Variants in NRG1 observed in about 807,000 individuals in gnomAD.
The protein encoded by NRG1 is pro-neuregulin-1, membrane-bound isoform.
A neutral mutation model predicts 63.8 loss-of-function variants in NRG1; 18 were observed. The observed-to-expected ratio is 0.28, with a 90% CI of 0.19 to 0.42. The LOEUF (loss-of-function observed/expected upper bound fraction) is 0.42, where lower values mean the gene tolerates loss of function less well. Ranked by LOEUF, NRG1 falls within the 10% of genes least tolerant of loss-of-function variation. The probability of loss-of-function intolerance (pLI) is 1.00; values close to 1 mark genes in which losing one functional copy is unlikely to be tolerated. For synonymous variants in NRG1, 302 were observed against 301.3 expected, an observed-to-expected ratio of 1.00 and a Z score of -0.02; for missense variants, 762 against 814.7, an observed-to-expected ratio of 0.94 and a Z score of 0.79.
At chr8:32,606,063 A>G (rs1057438219) in intron 3 of NRG1, among the ~76,000 whole-genome samples, 1 of 150,766 alleles carries the variant, frequency 6.6e-6, no homozygotes, top group Admixed American at 6.6e-5. Context: ...CACAATATGT[A>G]TATATGCACA....
At chr8:31,926,039 G>A (rs907447629) in intron 1 of NRG1, among the ~76,000 whole-genome samples, 2 of 152,226 alleles carry the variant, frequency 1.3e-5, no homozygotes, top group East Asian at 1.9e-4. Flanking sequence ...AAAATGTAAA[G>A]GTTCTGGATG....
intron 1 of NRG1, among the ~76,000 whole-genome samples, chr8:32,428,341 T>TA (rs1817671531): frequency 4.8e-5 from 2 of 41,406 alleles, no homozygotes; most frequent in African/African-American, 1.0e-4. Flanking sequence ...TTGAGTGAAT[T>TA]CTTTTTTTTT....
In NRG1 at chr8:31,640,411, T is replaced by C; in HGVS notation, c.37+980T>C. On this transcript the variant is annotated intron_variant, in intron 1 of 10. Transcript: ENST00000519301. This position sits in a 1 kb window ranked among gnomAD's most constrained non-coding sequence, Gnocchi z 6.3. ...CGCCGCCAACGGGACCGTGCCCTCT[T>C]GGCCCACCGCCCCGGTGCCCAGCGC... 4.0e-6 allele frequency: 6 copies of C among 1,485,332 alleles called. No homozygotes were observed. Among genetic ancestry groups the C allele is most frequent in the Non-Finnish European group, 5.4e-6 (6 of 1,117,058 alleles). The allele number at this position is 1,485,332 out of a possible 1,614,324, so 92.0% of individuals were successfully genotyped here.
At chr8:32,184,613 A>G (rs186568772) in intron 1 of NRG1, among the ~76,000 whole-genome samples, 1 of 152,198 alleles carries the variant, frequency 6.6e-6, no homozygotes, top group African/African-American at 2.4e-5. Flanking sequence ...AAAAAAAATA[A>G]GGAAAGCATC....
chr8:32,655,952 GTT>G (rs1467131091), intron 5 of NRG1, among the ~76,000 whole-genome samples: 3 of 152,098 alleles, frequency 2.0e-5, no homozygotes, highest in Non-Finnish European at 4.4e-5. Context: ...CTAAGATTAT[GTT>G]CACCTTACTC....
At chr8:32,199,062 T>G (rs1219662805) in intron 1 of NRG1, among the ~76,000 whole-genome samples, 2 of 152,162 alleles carry the variant, frequency 1.3e-5, no homozygotes, top group African/African-American at 4.8e-5. Flanking sequence ...TTTTGAACAA[T>G]CTTTTATTTT....
At chr8:32,090,663 A>G (rs1828997082) in intron 1 of NRG1, among the ~76,000 whole-genome samples, 1 of 152,200 alleles carries the variant, frequency 6.6e-6, no homozygotes, top group African/African-American at 2.4e-5. Context: ...ATCATCAGAG[A>G]CATTAAAACT....
chr8:32,700,282 A>T (rs1486030960), intron 5 of NRG1, among the ~76,000 whole-genome samples: 2 of 152,186 alleles, frequency 1.3e-5, no homozygotes, highest in African/African-American at 4.8e-5. Flanking sequence ...TAATAATGAA[A>T]TTTCAATATG....
intron 1 of NRG1, among the ~76,000 whole-genome samples, chr8:32,191,659 A>G (rs186254646): frequency 6.6e-6 from 1 of 152,352 alleles, no homozygotes; most frequent in East Asian, 1.9e-4. Context: ...TTTTAAAAAT[A>G]CTACAGATAT....
rs747902309 is a variant in NRG1 at position 32,520,254 on chromosome 8, C to T, written c.38-75574C>T. ...TCAGCTCACTGCAGCCTCCAAATTC[C>T]GGGCTTAAGTAATACTCCCACTTCT... On this transcript the variant is annotated intron_variant, in intron 1 of 10. Coordinates refer to the NRG1 transcript ENST00000519301. Among the ~76,000 whole-genome samples the T allele has an allele frequency of 5.3e-5, 8 of 151,864 alleles. No individual in the cohort carries two copies. In the East Asian group the frequency reaches 9.7e-4, roughly 18 times the overall value.
At chr8:32,096,323 T>A (rs142819083) in intron 1 of NRG1, among the ~76,000 whole-genome samples, 1 of 152,316 alleles carries the variant, frequency 6.6e-6, no homozygotes, top group Non-Finnish European at 1.5e-5. Flanking sequence ...CTATACATAT[T>A]TATGGGATAC....
intron 1 of NRG1, among the ~76,000 whole-genome samples, chr8:32,207,262 T>C (rs903515388): frequency 2.0e-5 from 3 of 152,124 alleles, no homozygotes; most frequent in African/African-American, 7.2e-5. Flanking sequence ...TTTTTTTTAA[T>C]GACAAAGAAA....
At chr8:32,589,408 A>G (rs1266212996) in intron 1 of NRG1, among the ~76,000 whole-genome samples, 1 of 152,194 alleles carries the variant, frequency 6.6e-6, no homozygotes, top group Non-Finnish European at 1.5e-5. Flanking sequence ...TAGCTAACAT[A>G]ATTGTCAGTC....
At chr8:32,684,924 A>G (rs1192887221) in intron 5 of NRG1, among the ~76,000 whole-genome samples, 1 of 152,122 alleles carries the variant, frequency 6.6e-6, no homozygotes, top group Non-Finnish European at 1.5e-5. Flanking sequence ...TTTTTAACTG[A>G]ACATAATTTT....
downstream of NRG1, chr8:32,767,992 A>G (rs1026965000): frequency 6.6e-6 from 1 of 152,238 alleles, no homozygotes; most frequent in Non-Finnish European, 1.5e-5. Context: ...CTACAGCTTC[A>G]GTCTGTTAGA....
chr8:32,417,392 G>A (rs1205720798), intron 1 of NRG1, among the ~76,000 whole-genome samples: 1 of 152,088 alleles, frequency 6.6e-6, no homozygotes, highest in Non-Finnish European at 1.5e-5. Flanking sequence ...GGTACAGGGA[G>A]CATCTAAATG....
intron 1 of NRG1, among the ~76,000 whole-genome samples, chr8:31,691,667 A>G (rs1809538737): frequency 6.6e-6 from 1 of 151,718 alleles, no homozygotes; most frequent in Non-Finnish European, 1.5e-5. Context: ...TATAAAAATA[A>G]CCGTTAATTT....
intron 5 of NRG1, among the ~76,000 whole-genome samples, chr8:32,650,931 G>A (rs1179716238): frequency 1.3e-5 from 2 of 152,054 alleles, no homozygotes; most frequent in Non-Finnish European, 2.9e-5. Flanking sequence ...CAAGGTCATA[G>A]ACTGTTGAAG....
At chr8:32,402,774 A>G (rs1302378896) in intron 1 of NRG1, among the ~76,000 whole-genome samples, 2 of 152,164 alleles carry the variant, frequency 1.3e-5, no homozygotes, top group African/African-American at 4.8e-5. Flanking sequence ...TGAATGCTGA[A>G]GTTGTTAGAT....
Sources: allele counts gnomAD v4.1 joint callset (sites outside exome capture counted in the v4.1 genomes callset), GRCh38; gene constraint gnomAD v4.1.1; non-coding constraint Gnocchi (gnomAD v3.1); transcripts MANE v1.5; gene names NCBI Gene and HGNC (gene_info 2026-07-23, HGNC 2026-07-21).